The following TNS1 variants were observed in gnomAD, a reference collection of about 807,000 sequenced individuals.
TNS1 encodes tensin-1.
TNS1 carries 62 observed loss-of-function variants against 168.6 expected under a neutral mutation model. The ratio of observed to expected loss-of-function variants is 0.37; its 90% CI spans 0.30 to 0.45. The LOEUF is 0.45. TNS1 is among the 20% of genes least tolerant of loss of function. TNS1 has a pLI of 1.00. For synonymous variants in TNS1, 934 were observed against 933.2 expected (o/e 1.00, Z -0.02); for missense variants, 2,240 against 2,339.4 (o/e 0.96, Z 0.88).
intron 1 of TNS1, among the ~76,000 whole-genome samples, chr2:218,008,012 G>A (rs1958675381): frequency 6.6e-6 from 1 of 152,120 alleles, no homozygotes; most frequent in East Asian, 1.9e-4. Flanking sequence ...TCACTCTCTT[G>A]CACTGCAGAA....
Position 217,801,922 on chromosome 2 carries a change from C to G in TNS1, c.*2537G>C, listed in dbSNP as rs975644442. The stretch of plus-strand genomic sequence containing the variant: ...CCCGCAGGGGCACACATGGCTCAGG[C>G]TGGAGTGGAGGGGCTGGCCATGCAT... On this transcript the variant is annotated 3_prime_UTR_variant, in exon 33 of 33. Coordinates refer to ENST00000682258, the MANE Select transcript of TNS1 (RefSeq NM_001387777.1). 11 of 151,924 alleles carry G rather than the reference C, an allele frequency of 7.2e-5. No individual in the cohort carries two copies. Among genetic ancestry groups the G allele is most frequent in the Admixed American group, 7.2e-4 (11 of 15,264 alleles). The allele number at this position is 151,924 out of a possible 1,614,324, so 9.4% of individuals were successfully genotyped here.
intron 3 of TNS1, among the ~76,000 whole-genome samples, chr2:217,958,714 C>A (rs757146929): frequency 6.6e-6 from 1 of 152,178 alleles, no homozygotes; most frequent in Non-Finnish European, 1.5e-5. Context: ...TTCTTTGACA[C>A]CCAAGCCTGC....
At chr2:217,946,848 G>A (rs1229242842) in intron 3 of TNS1, among the ~76,000 whole-genome samples, 1 of 151,836 alleles carries the variant, frequency 6.6e-6, no homozygotes, top group African/African-American at 2.4e-5. Flanking sequence ...GGATTTCACA[G>A]AAAAAGAGCA....
intron 18 of TNS1, among the ~76,000 whole-genome samples, chr2:217,875,379 C>T (rs1344270155): frequency 6.6e-6 from 1 of 152,180 alleles, no homozygotes; most frequent in Non-Finnish European, 1.5e-5. Flanking sequence ...AGAGGGAAGC[C>T]TGGCAGGCCC....
At chr2:217,907,061 C>G in intron 5 of TNS1, 149 bp downstream of exon 5, 1 of 631,164 alleles carries the variant, frequency 1.6e-6, no homozygotes, top group Non-Finnish European at 2.9e-6. Context: ...AGCCGCCCCA[C>G]TACTTCCCTG....
chr2:217,919,371 A>G (rs1955475711), intron 4 of TNS1, among the ~76,000 whole-genome samples: 1 of 152,224 alleles, frequency 6.6e-6, no homozygotes, highest in Admixed American at 6.5e-5. Flanking sequence ...TGCCACAGGC[A>G]ACTCCACAGC....
At chr2:217,895,239 G>A (rs907424929) in intron 8 of TNS1, among the ~76,000 whole-genome samples, 183 bp from the exon 9 acceptor site, 1 of 152,178 alleles carries the variant, frequency 6.6e-6, no homozygotes, top group Non-Finnish European at 1.5e-5. Context: ...GCCTGGCCAC[G>A]GAACAGCCAT....
chr2:217,815,372 C>T (rs984039204), intron 24 of TNS1: 4 of 207,390 alleles, frequency 1.9e-5, no homozygotes, highest in Non-Finnish European at 4.0e-5. Flanking sequence ...GCCAACCTTG[C>T]CAACACCTTG....
chr2:217,874,730 G>A (rs1365374280), intron 18 of TNS1, among the ~76,000 whole-genome samples: 1 of 152,214 alleles, frequency 6.6e-6, no homozygotes, highest in Non-Finnish European at 1.5e-5. Context: ...ATCACTGCCA[G>A]CATGGCATGC....
At chr2:217,902,245 TCCCCAGGCCCTAGGCCCTG>T (rs1388258455) in intron 6 of TNS1, among the ~76,000 whole-genome samples, 5 of 152,124 alleles carry the variant, frequency 3.3e-5, no homozygotes, top group African/African-American at 1.2e-4. Context: ...TCCCTGAATC[TCCCCAGGCCCTAGGCCCTG>T]CTCCAGGCCC....
intron 17 of TNS1, chr2:217,882,102 G>A (rs1252067261): frequency 2.6e-6 from 1 of 388,276 alleles, no homozygotes; most frequent in Non-Finnish European, 4.5e-6. Flanking sequence ...ATGACCTAAT[G>A]GGACCAGAAC....
chr2:217,856,031 G>A (rs1026641816), intron 18 of TNS1, among the ~76,000 whole-genome samples: 2 of 152,164 alleles, frequency 1.3e-5, no homozygotes, highest in East Asian at 3.8e-4. Context: ...GGGAGATCTG[G>A]TGAAATAAGG....
intron 3 of TNS1, among the ~76,000 whole-genome samples, chr2:217,959,546 GCCTTAGCATGGAA>G (rs746154703): frequency 2.5e-3 from 373 of 151,670 alleles, no homozygotes; most frequent in Non-Finnish European, 4.3e-3. Flanking sequence ...GGAACCTGGT[GCCTTAGCATGGAA>G]CCTTAGCATG....
chr2:217,896,683 G>A (rs887066362), intron 8 of TNS1, among the ~76,000 whole-genome samples: 4 of 152,188 alleles, frequency 2.6e-5, no homozygotes, highest in Non-Finnish European at 5.9e-5. Flanking sequence ...ATCACTTGGT[G>A]TCTATGGAGG....
chr2:217,830,508 T>C (rs1944264163), intron 22 of TNS1: 1 of 1,198,506 alleles, frequency 8.3e-7, no homozygotes, highest in African/African-American at 1.5e-5. Flanking sequence ...CAGGGAGCCC[T>C]GTCTCCCTCC....
chr2:217,893,393 C>CGT lies in TNS1; in HGVS notation c.717+45_717+46insAC, dbSNP rs767111211. 6.2e-5 allele frequency: 92 copies of CGT among 1,478,756 alleles called. No homozygotes were observed. In the East Asian group the frequency reaches 7.8e-4, roughly 13 times the overall value. The allele number at this position is 1,478,756 out of a possible 1,614,324, so 91.6% of individuals were successfully genotyped here. A position where few individuals can be genotyped will look rare whatever the true frequency, so the allele number is the denominator to read the frequency against. On this transcript the variant is annotated intron_variant, in intron 10 of 32. Coordinates refer to ENST00000682258, the MANE Select transcript of TNS1 (RefSeq NM_001387777.1). ...AGGCACACACACATGTGCGCATGTGCGCGCGCGCACACACACACACACACA... is the reference window on the plus strand; with the variant it reads ...AGGCACACACACATGTGCGCATGTGCGTGCGCGCGCACACACACACACACACA...
intron 18 of TNS1, among the ~76,000 whole-genome samples, chr2:217,864,313 G>A (rs1029066730): frequency 2.6e-5 from 4 of 152,236 alleles, no homozygotes; most frequent in Non-Finnish European, 5.9e-5. Context: ...AGAATGGAAT[G>A]AGGCAGGCAT....
In TNS1 at chr2:217,804,252, ATCTTTC is replaced by A; in HGVS notation, c.*201_*206del. On this transcript the variant is annotated 3_prime_UTR_variant, in exon 33 of 33. Transcript: ENST00000682258. ...AGGGGAATCCAAGTTCTTCTCCTCC[ATCTTTC>A]TCTCTCTCTCTCTCTCTCTCTCTCT... 8.1e-6 allele frequency: 4 copies of A among 493,452 alleles called. No homozygotes were observed. The highest frequency in any genetic ancestry group is 6.2e-5 in the East Asian group (2 of 32,418). 30.6% of individuals were successfully genotyped at this position (493,452 alleles called of 1,614,324 possible).
rs1387719319 is a variant in TNS1, at chr2:218,020,134, GA to G, written c.156+13685del. 3.9e-5 allele frequency among the ~76,000 whole-genome samples: 6 copies of G among 152,166 alleles called. No individual in the cohort carries two copies. The South Asian group carries it at 8.3e-4, about 21-fold the overall frequency. On this transcript the variant is annotated intron_variant, in intron 1 of 1. Transcript: ENST00000649572. ...ATTATTGAAGCATAAATCCCAGAGG[GA>G]AAAAAAGGAGCGGAAAGAGCAATGA... is the stretch of plus-strand genomic sequence containing the variant.
Sources: allele counts gnomAD v4.1 joint callset (sites outside exome capture counted in the v4.1 genomes callset), GRCh38; gene constraint gnomAD v4.1.1; transcripts MANE v1.5; gene names NCBI Gene and HGNC (gene_info 2026-07-23, HGNC 2026-07-21).